Variants in CDHR1 observed in about 807,000 individuals in gnomAD.
CDHR1 encodes cadherin-related family member 1.
CDHR1 carries 61 observed loss-of-function variants against 72.1 expected under a neutral mutation model. The ratio of observed to expected loss-of-function variants is 0.85; its 90% CI spans 0.69 to 1.05. CDHR1 has a LOEUF of 1.05. CDHR1 is among the 50% of genes least tolerant of loss of function. The pLI is 0.00. For synonymous variants in CDHR1, 470 were observed against 448.1 expected, an observed-to-expected ratio of 1.05 and a Z score of -0.62; for missense variants, 1,186 against 1,115.7, an observed-to-expected ratio of 1.06 and a Z score of -0.90.
chr10:84,205,898 CAG>C lies in CDHR1; in HGVS notation c.941_942del (p.Glu314GlyfsTer3), dbSNP rs1842217301. 6.2e-7 allele frequency: 1 copy of C among 1,614,064 alleles called. No homozygotes were observed. The stretch of plus-strand genomic sequence containing the variant: ...CATCACTCAGAGCCCGGCCCAGCTC[CAG>C]AGAGAGGTGTATGAGCTGCATGTAC... ...ISITQSPAQL[Q>X]REVYELHVQV... On this transcript the variant is annotated frameshift_variant, in exon 10 of 17. Transcript: ENST00000623527. LOFTEE classifies it high-confidence loss of function.
intron 9 of CDHR1, 98 bp downstream of exon 9, chr10:84,204,703 G>T (rs1564660218): frequency 3.9e-5 from 32 of 827,566 alleles, no homozygotes; most frequent in Non-Finnish European, 5.3e-5. Flanking sequence ...TCACCTGTAG[G>T]ACCAGGATTA....
At position 84,216,979 on chromosome 10, in the gene CDHR1, G is replaced by A. The variant is rs1270327200; in HGVS notation, c.*2358G>A. 2.0e-6 allele frequency: 2 copies of A among 985,358 alleles called. No individual in the cohort carries two copies. The highest frequency in any genetic ancestry group is 2.4e-6 in the Non-Finnish European group (2 of 829,960). 61.0% of individuals were successfully genotyped at this position (985,358 alleles called of 1,614,324 possible). A position where few individuals can be genotyped will look rare whatever the true frequency, so the allele number is the denominator to read the frequency against. On this transcript the variant is annotated 3_prime_UTR_variant, in exon 17 of 17. Transcript: ENST00000623527. ...GCAAGTGGATCCGGGACCGAGGGTG[G>A]TCTCTTGGACAACCCCAGGAACTTG... is the stretch of plus-strand genomic sequence containing the variant.
intron 10 of CDHR1, among the ~76,000 whole-genome samples, chr10:84,206,848 C>T (rs1277986039): frequency 6.6e-6 from 1 of 152,112 alleles, no homozygotes; most frequent in Non-Finnish European, 1.5e-5. Context: ...GAGCCATCGG[C>T]CAAAGTAACA....
intron 10 of CDHR1, among the ~76,000 whole-genome samples, chr10:84,207,232 G>C (rs1842242200): frequency 1.3e-5 from 2 of 152,136 alleles, no homozygotes; most frequent in Admixed American, 1.3e-4. Context: ...ACAGCTGCGG[G>C]AGCTGTGTGA....
intron 2 of CDHR1, 85 bp from the exon 3 acceptor site, chr10:84,196,420 G>A: frequency 6.9e-7 from 1 of 1,441,486 alleles, no homozygotes; most frequent in South Asian, 1.1e-5. Context: ...TTTATAAACA[G>A]CTGAATCGTT....
At chr10:84,199,865 C>T (rs1842092151) in intron 5 of CDHR1, among the ~76,000 whole-genome samples, 1 of 152,154 alleles carries the variant, frequency 6.6e-6, no homozygotes, top group Non-Finnish European at 1.5e-5. Context: ...ACTGAATTCT[C>T]AAAGTTTAAA....
rs1030832528 is a variant in CDHR1 at position 84,218,064 on chromosome 10, G to A, written c.*3443G>A. 10 of 985,352 alleles carry A rather than the reference G, an allele frequency of 1.0e-5. No homozygotes were observed. In the African/African-American group the frequency reaches 1.6e-4, roughly 15 times the overall value. The allele number at this position is 985,352 out of a possible 1,614,324, so 61.0% of individuals were successfully genotyped here. On this transcript the variant is annotated 3_prime_UTR_variant, in exon 17 of 17. Coordinates refer to ENST00000623527, the MANE Select transcript of CDHR1 (RefSeq NM_033100.4). The stretch of plus-strand genomic sequence containing the variant: ...ATCCAAGGCCAGTCCACCTGCCAGG[G>A]GTGTTGGCATCTGTTGACAGGCAGT...
chr10:84,196,789 CTG>C (rs1251902420), intron 3 of CDHR1, 139 bp downstream of exon 3: 3 of 967,110 alleles, frequency 3.1e-6, no homozygotes, highest in Admixed American at 3.6e-5. Context: ...CACATCCACT[CTG>C]TGAGATCTCT....
intron 10 of CDHR1, among the ~76,000 whole-genome samples, chr10:84,207,214 G>A (rs568273308): frequency 3.3e-5 from 5 of 152,202 alleles, no homozygotes; most frequent in African/African-American, 1.2e-4. Context: ...GAGGACAATT[G>A]GCCAAGCACA....
rs1564657630 is a variant in CDHR1 at position 84,200,613 on chromosome 10, G to A, written c.451G>A (p.Gly151Arg). The A allele has an allele frequency of 3.1e-6, 5 of 1,611,070 alleles. No homozygotes were observed. The highest frequency in any genetic ancestry group is 3.4e-6 in the Non-Finnish European group (4 of 1,178,648). The change falls in exon 6 of 17, where the codon GGG becomes AGG. Residue 151 changes from glycine (G) to arginine (R), a missense_variant. Physicochemically the swap from Gly to Arg is moderately radical, Grantham distance 125 (BLOSUM62 -2). Coordinates refer to ENST00000623527, the MANE Select transcript of CDHR1 (RefSeq NM_033100.4). ...VALVPEDIPA[G>R]SIIFKVHAVD... ...GTGACCCCCTCAGGACATACCTGCT[G>A]GGAGCATCATCTTTAAGGTCCATGC...
At position 84,208,867 on chromosome 10, in the gene CDHR1, G is replaced by A. The variant is rs935661491; in HGVS notation, c.1306G>A (p.Val436Ile). The A allele has an allele frequency of 6.2e-7, 1 of 1,614,046 alleles. No homozygotes were observed. The highest frequency in any genetic ancestry group is 1.1e-5 in the South Asian group (1 of 91,048). The change falls in exon 12 of 17, where the codon GTA (valine) becomes ATA (isoleucine). Residue 436 changes from valine (V) to isoleucine (I), a missense_variant. Physicochemically the swap from Val to Ile is conservative, Grantham distance 29. Transcript: ENST00000623527. ...SAAIDFEKSK[V>I]LTFKLLAVEV... is the part of the protein sequence containing the mutation. ...TGCCATTGACTTTGAAAAGTCCAAA[G>A]TATTAACCTTCAAGGTAGGTGGTGC...
At chr10:84,213,440 G>C in intron 16 of CDHR1, 92 bp downstream of exon 16, 3 of 1,545,434 alleles carry the variant, frequency 1.9e-6, no homozygotes, top group Admixed American at 1.7e-5. Flanking sequence ...CCATCTCCAG[G>C]CTTCCTCCAA....
At chr10:84,213,894 C>T (rs919753835) in intron 16 of CDHR1, among the ~76,000 whole-genome samples, 188 bp from the exon 17 acceptor site, 6 of 152,236 alleles carry the variant, frequency 3.9e-5, no homozygotes, top group Admixed American at 3.3e-4. Flanking sequence ...TTCTGGAGAA[C>T]TGCATGCATC....
In CDHR1 at chr10:84,203,150, G is replaced by A. The variant is rs199838395; in HGVS notation, c.783+27G>A. On this transcript the variant is annotated intron_variant, in intron 8 of 16. Transcript: ENST00000623527. Reference sequence around the variant, plus strand: ...TGGGTGGCTGTCCCCCTCAGCCAGCGATCCCTCCAAATGCCTCCTGCCCTG... The same window carrying A: ...TGGGTGGCTGTCCCCCTCAGCCAGCAATCCCTCCAAATGCCTCCTGCCCTG... The A allele has an allele frequency of 3.4e-4, 551 of 1,613,862 alleles. 9 individuals are homozygous for A. The highest frequency in any genetic ancestry group is 1.4e-3 in the South Asian group (131 of 91,066).
rs751967844 is a variant in CDHR1 at position 84,210,983 on chromosome 10, AT to A, written c.1321-14del. On this transcript the variant is annotated splice_polypyrimidine_tract_variant and intron_variant, in intron 12 of 16. Coordinates refer to ENST00000623527, the MANE Select transcript of CDHR1 (RefSeq NM_033100.4). ...TGAGTGCCTACCCAGACAAGTCCCC[AT>A]TTTCCCCCCTTCCCAGCTCCTGGCT... The A allele has an allele frequency of 6.2e-7, 1 of 1,614,112 alleles. No individual in the cohort carries two copies. The highest frequency in any genetic ancestry group is 1.7e-5 in the Admixed American group (1 of 60,020).
chr10:84,199,665 C>T (rs1842088324), intron 5 of CDHR1, among the ~76,000 whole-genome samples: 1 of 152,160 alleles, frequency 6.6e-6, no homozygotes, highest in South Asian at 2.1e-4. Context: ...TATCATGAGA[C>T]ACATCAACTT....
At chr10:84,198,753 T>C (rs1236976127) in intron 4 of CDHR1, among the ~76,000 whole-genome samples, 1 of 152,240 alleles carries the variant, frequency 6.6e-6, no homozygotes, top group Non-Finnish European at 1.5e-5. Context: ...AAGTGTTTTT[T>C]AATATGCTGA....
intron 7 of CDHR1, among the ~76,000 whole-genome samples, chr10:84,202,285 C>A (rs1044380016): frequency 6.6e-6 from 1 of 152,196 alleles, no homozygotes; most frequent in Non-Finnish European, 1.5e-5. Flanking sequence ...TGCCCAATCA[C>A]CCCTTCTGAG....
chr10:84,196,580 G>C lies in CDHR1; in HGVS notation c.227G>C (p.Ser76Thr). The part of the protein sequence containing the change: ...PISYHISFDP[S>T]TRSVFSVDPT... ...TCCTACCACATCAGCTTTGACCCCA[G>C]CACTAGAAGCGTCTTTTCTGTTGAC... is the stretch of plus-strand genomic sequence containing the variant. The change falls in exon 3 of 17, where the codon AGC (serine) becomes ACC (threonine). Residue 76 changes from serine (S) to threonine (T), a missense_variant. Transcript: ENST00000623527. 1 of 1,614,214 alleles carries C rather than the reference G, an allele frequency of 6.2e-7. No individual in the cohort carries two copies. Among genetic ancestry groups the C allele is most frequent in the Non-Finnish European group, 8.5e-7 (1 of 1,180,032 alleles).
Sources: gnomAD v4.1 joint callset for allele counts (sites outside exome capture counted in the v4.1 genomes callset) on GRCh38, gnomAD v4.1.1 for gene constraint, MANE v1.5 for transcripts, NCBI Gene and HGNC (gene_info 2026-07-23, HGNC 2026-07-21) for gene names.